Variants in FSTL5 observed in about 807,000 individuals in gnomAD.
The protein encoded by FSTL5 is follistatin-related protein 5.
A neutral mutation model predicts 89.1 loss-of-function variants in FSTL5; 62 were observed. That is an observed-to-expected ratio of 0.70 (90% CI 0.57 to 0.86). The LOEUF (loss-of-function observed/expected upper bound fraction) is 0.86, where lower values mean the gene tolerates loss of function less well. Ranked by LOEUF, FSTL5 falls within the 40% of genes least tolerant of loss-of-function variation. FSTL5 has a pLI of 0.00. For missense variants in FSTL5, 1,057 were observed against 1,001.6 expected (o/e 1.06, Z -0.75); for synonymous variants, 383 against 346.2 (o/e 1.11, Z -1.18).
intron 3 of FSTL5, among the ~76,000 whole-genome samples, chr4:161,929,957 C>A (rs762375980): frequency 6.6e-6 from 1 of 151,630 alleles, no homozygotes; most frequent in Non-Finnish European, 1.5e-5. Flanking sequence ...GTTATTTTTA[C>A]TCCACATTTT....
intron 6 of FSTL5, among the ~76,000 whole-genome samples, chr4:161,686,854 G>T (rs1207394828): frequency 6.6e-6 from 1 of 151,974 alleles, no homozygotes; most frequent in Non-Finnish European, 1.5e-5. Context: ...AGTAGAATAT[G>T]TGAAACAAAT....
chr4:161,848,689 T>G (rs1013529715), intron 4 of FSTL5, among the ~76,000 whole-genome samples: 1 of 152,216 alleles, frequency 6.6e-6, no homozygotes, highest in Non-Finnish European at 1.5e-5. Flanking sequence ...TACAATGTGT[T>G]GGTTCAAACT....
chr4:161,958,645 TGCTGGAAAA>T (rs1735090533), intron 3 of FSTL5, among the ~76,000 whole-genome samples: 3 of 152,144 alleles, frequency 2.0e-5, no homozygotes, highest in Admixed American at 1.3e-4. Context: ...CTATGCCGGA[TGCTGGAAAA>T]AGCATTCCTA....
At chr4:161,715,390 C>T (rs1738940163) in intron 6 of FSTL5, among the ~76,000 whole-genome samples, 2 of 152,146 alleles carry the variant, frequency 1.3e-5, no homozygotes, top group East Asian at 1.9e-4. Flanking sequence ...TAATAACATA[C>T]TCTTTTTGGC....
chr4:161,432,911 C>A (rs1179457114), intron 15 of FSTL5, among the ~76,000 whole-genome samples: 1 of 151,836 alleles, frequency 6.6e-6, no homozygotes, highest in Non-Finnish European at 1.5e-5. Context: ...ATACTAATAA[C>A]AAGCAATAAG....
intron 4 of FSTL5, among the ~76,000 whole-genome samples, chr4:161,874,146 A>G (rs1472378407): frequency 6.6e-6 from 1 of 152,108 alleles, no homozygotes; most frequent in Non-Finnish European, 1.5e-5. Flanking sequence ...TGTTTAATTT[A>G]GTCTCCTAAC....
chr4:161,755,800 A>G lies in FSTL5; in HGVS notation c.727+3611T>C, dbSNP rs190646596. Among the ~76,000 whole-genome samples, 59 of 152,224 alleles carry G rather than the reference A, an allele frequency of 3.9e-4. 1 individual carries two copies. The East Asian group carries it at 0.011, about 29-fold the overall frequency. On this transcript the variant is annotated intron_variant, in intron 6 of 15. Coordinates refer to ENST00000306100, the MANE Select transcript of FSTL5 (RefSeq NM_020116.5). Reference sequence around the variant, plus strand: ...GGTACATAATACATGATTTTTGAATAGATTTCTTTTCCCATTAGTGTTATA... The same window carrying G: ...GGTACATAATACATGATTTTTGAATGGATTTCTTTTCCCATTAGTGTTATA...
chr4:161,765,335 A>G (rs1054387195), intron 5 of FSTL5, among the ~76,000 whole-genome samples: 1 of 152,152 alleles, frequency 6.6e-6, no homozygotes, highest in Non-Finnish European at 1.5e-5. Context: ...ACAAGTGCTT[A>G]TTTATTTGTA....
At chr4:161,804,853 C>T (rs185257604) in intron 4 of FSTL5, among the ~76,000 whole-genome samples, 2 of 152,062 alleles carry the variant, frequency 1.3e-5, no homozygotes, top group East Asian at 3.9e-4. Context: ...CCAATAAGAT[C>T]CTTAAGGTCT....
chr4:161,588,651 G>T (rs1455494793), intron 7 of FSTL5, among the ~76,000 whole-genome samples: 1 of 152,060 alleles, frequency 6.6e-6, no homozygotes, highest in Non-Finnish European at 1.5e-5. Context: ...ATAGAGAAAG[G>T]TTCACAATAG....
intron 2 of FSTL5, among the ~76,000 whole-genome samples, chr4:162,101,378 T>G (rs1730991926): frequency 6.6e-6 from 1 of 152,208 alleles, no homozygotes; most frequent in Admixed American, 6.5e-5. Context: ...TTAATAAATA[T>G]TTGTTGAAAT....
At chr4:162,142,878 T>A (rs1732804001) in intron 1 of FSTL5, among the ~76,000 whole-genome samples, 1 of 152,190 alleles carries the variant, frequency 6.6e-6, no homozygotes, top group Non-Finnish European at 1.5e-5. Context: ...CTTTCCTTCA[T>A]ATGAAGCTGT....
At chr4:161,767,201 C>G (rs918934401) in intron 5 of FSTL5, among the ~76,000 whole-genome samples, 5 of 152,076 alleles carry the variant, frequency 3.3e-5, no homozygotes, top group African/African-American at 1.2e-4. Context: ...AGAATATGCC[C>G]ATACCTTAGG....
intron 5 of FSTL5, among the ~76,000 whole-genome samples, chr4:161,771,549 TA>T (rs1185526244): frequency 1.1e-4 from 17 of 152,114 alleles, no homozygotes; most frequent in Admixed American, 4.6e-4. Flanking sequence ...AGATAACTTA[TA>T]AAAAATATCC....
intron 12 of FSTL5, among the ~76,000 whole-genome samples, chr4:161,487,682 T>G (rs1436458856): frequency 6.6e-6 from 1 of 152,118 alleles, no homozygotes; most frequent in Non-Finnish European, 1.5e-5. Context: ...TCTAGCGCTC[T>G]CTCTCTCTTT....
At position 161,603,819 on chromosome 4, in the gene FSTL5, G is replaced by C. The variant is rs903330057; in HGVS notation, c.895-16244C>G. Among the ~76,000 whole-genome samples, 4 of 152,136 alleles carry C rather than the reference G, an allele frequency of 2.6e-5. No homozygotes were observed. In the South Asian group the frequency reaches 8.3e-4, roughly 32 times the overall value. On this transcript the variant is annotated intron_variant, in intron 7 of 15. Transcript: ENST00000306100. Reference sequence around the variant, plus strand: ...CCTGAAAAATATTGCTTATAATTTAGAAGAAGCAATGATATGCCCCAAAGA... The same window carrying C: ...CCTGAAAAATATTGCTTATAATTTACAAGAAGCAATGATATGCCCCAAAGA...
At chr4:162,012,142 G>A (rs11734298) in intron 3 of FSTL5, among the ~76,000 whole-genome samples, 85,474 of 152,040 alleles carry the variant, frequency 0.56, 24,908 homozygotes, top group East Asian at 0.73. Context: ...TATACTGTCT[G>A]GTTTATATCT....
chr4:161,502,102 A>C (rs531901218), intron 11 of FSTL5, among the ~76,000 whole-genome samples: 1 of 152,114 alleles, frequency 6.6e-6, no homozygotes, highest in South Asian at 2.1e-4. Context: ...TTCGAAAATT[A>C]TGAATTTGAA....
intron 2 of FSTL5, among the ~76,000 whole-genome samples, chr4:162,081,842 C>T (rs1490043986): frequency 2.0e-5 from 3 of 150,344 alleles, no homozygotes; most frequent in South Asian, 2.1e-4. Context: ...CTTCTTAAGC[C>T]GACAAAATTT....
Sources: allele counts gnomAD v4.1 joint callset (sites outside exome capture counted in the v4.1 genomes callset), GRCh38; gene constraint gnomAD v4.1.1; transcripts MANE v1.5; gene names NCBI Gene and HGNC (gene_info 2026-07-23, HGNC 2026-07-21).